Variants in EPB41L4A observed in about 807,000 individuals in gnomAD.
EPB41L4A encodes erythrocyte membrane protein band 4.1 like 4A.
In EPB41L4A, 100 loss-of-function variants were observed where a neutral mutation model predicts 108.6. That is an observed-to-expected ratio of 0.92 (90% confidence interval 0.78 to 1.09). EPB41L4A has a LOEUF of 1.09. Ranked by LOEUF, EPB41L4A falls within the 50% of genes least tolerant of loss-of-function variation. The pLI is 0.00. For missense variants in EPB41L4A, 1,030 were observed against 842.7 expected, an observed-to-expected ratio of 1.22 and a Z score of -2.75; for synonymous variants, 319 against 289.0, an observed-to-expected ratio of 1.10 and a Z score of -1.05.
At chr5:112,280,074 C>G (rs2150505508) in intron 3 of EPB41L4A, among the ~76,000 whole-genome samples, 198 bp downstream of exon 3, 1 of 152,312 alleles carries the variant, frequency 6.6e-6, no homozygotes, top group South Asian at 2.1e-4. Flanking sequence ...AAGATCCACT[C>G]AGAAACTGAT....
intron 1 of EPB41L4A, among the ~76,000 whole-genome samples, chr5:112,323,715 T>C (rs1755958455): frequency 6.6e-6 from 1 of 152,208 alleles, no homozygotes; most frequent in Admixed American, 6.5e-5. Context: ...AGTGTAACAG[T>C]CTCCCTTACC....
chr5:112,189,035 A>T (rs1241043497), intron 17 of EPB41L4A, among the ~76,000 whole-genome samples: 1 of 152,260 alleles, frequency 6.6e-6, no homozygotes, highest in African/African-American at 2.4e-5. Flanking sequence ...TAAAATATTT[A>T]AATCTGTCTT....
chr5:112,217,048 G>T (rs539965667), intron 12 of EPB41L4A, among the ~76,000 whole-genome samples: 1 of 151,584 alleles, frequency 6.6e-6, no homozygotes, highest in Non-Finnish European at 1.5e-5. Context: ...AGGTTCAAGC[G>T]ATTCTACCAT....
At chr5:112,197,349 T>C (rs1762013581) in intron 15 of EPB41L4A, among the ~76,000 whole-genome samples, 2 of 152,184 alleles carry the variant, frequency 1.3e-5, no homozygotes, top group South Asian at 2.1e-4. Flanking sequence ...CTTTAACGTA[T>C]GGCTTACGTT....
chr5:112,250,546 A>C (rs572432920), intron 9 of EPB41L4A: 1 of 152,212 alleles, frequency 6.6e-6, no homozygotes, highest in African/African-American at 2.4e-5. Flanking sequence ...AAAGTCTAAT[A>C]AACATTATCA....
chr5:112,220,376 A>G (rs948894824), intron 12 of EPB41L4A, among the ~76,000 whole-genome samples: 7 of 152,178 alleles, frequency 4.6e-5, no homozygotes, highest in African/African-American at 1.7e-4. Flanking sequence ...AATTAGAGTC[A>G]TTTACCTTCC....
At chr5:112,171,528 AGGACTATCAGTG>A (rs1760580916) in intron 18 of EPB41L4A, among the ~76,000 whole-genome samples, 1 of 152,252 alleles carries the variant, frequency 6.6e-6, no homozygotes, top group Admixed American at 6.5e-5. Context: ...AGCAAATGCT[AGGACTATCAGTG>A]GCCTTGGCTC....
At chr5:112,368,866 T>C (rs983089578) in intron 1 of EPB41L4A, among the ~76,000 whole-genome samples, 5 of 152,182 alleles carry the variant, frequency 3.3e-5, no homozygotes, top group African/African-American at 1.2e-4. Context: ...TATCTTTTGT[T>C]ACAGTCTTTG....
At chr5:112,333,674 T>A (rs940344604) in intron 1 of EPB41L4A, among the ~76,000 whole-genome samples, 13 of 152,192 alleles carry the variant, frequency 8.5e-5, no homozygotes, top group African/African-American at 2.4e-4. Flanking sequence ...TCTCTCTCTG[T>A]TACATACTGA....
chr5:112,275,719 GA>G (rs893282098), intron 3 of EPB41L4A, among the ~76,000 whole-genome samples: 10 of 147,062 alleles, frequency 6.8e-5, no homozygotes, highest in African/African-American at 1.8e-4. Flanking sequence ...AGTGAAGAAA[GA>G]AAAAAAATAA....
intron 3 of EPB41L4A, among the ~76,000 whole-genome samples, chr5:112,277,818 T>C (rs1212057679): frequency 6.6e-6 from 1 of 152,222 alleles, no homozygotes; most frequent in African/African-American, 2.4e-5. Context: ...CTCCCTATTC[T>C]AAGACTGACT....
chr5:112,348,710 A>G (rs1182648771), intron 1 of EPB41L4A, among the ~76,000 whole-genome samples: 1 of 152,198 alleles, frequency 6.6e-6, no homozygotes, highest in African/African-American at 2.4e-5. Flanking sequence ...GTAAACTCCC[A>G]AATATCTGTT....
At chr5:112,270,045 G>A (rs184445170) in intron 4 of EPB41L4A, among the ~76,000 whole-genome samples, 3 of 152,254 alleles carry the variant, frequency 2.0e-5, no homozygotes, top group Admixed American at 6.5e-5. Context: ...TGACACCAAG[G>A]ATGTACAAGT....
intron 1 of EPB41L4A, among the ~76,000 whole-genome samples, chr5:112,313,625 G>C (rs1463549314): frequency 6.6e-6 from 1 of 152,036 alleles, no homozygotes; most frequent in Non-Finnish European, 1.5e-5. Context: ...CCTTGGACTA[G>C]CAACCAGGCA....
At chr5:112,374,149 C>T (rs1373612401) in intron 1 of EPB41L4A, among the ~76,000 whole-genome samples, 1 of 152,122 alleles carries the variant, frequency 6.6e-6, no homozygotes, top group East Asian at 1.9e-4. Context: ...CAGAGGCATC[C>T]CCATGGAATA....
chr5:112,306,431 A>G (rs527257877), intron 2 of EPB41L4A, among the ~76,000 whole-genome samples: 9 of 152,152 alleles, frequency 5.9e-5, no homozygotes, highest in African/African-American at 7.2e-5. Context: ...GTGAAACAGA[A>G]AAGATTAAGG....
chr5:112,412,510 T>C (rs1437136646), intron 1 of EPB41L4A, among the ~76,000 whole-genome samples: 2 of 152,240 alleles, frequency 1.3e-5, no homozygotes, highest in Admixed American at 6.5e-5. Flanking sequence ...TACAATGGTA[T>C]AGACACTCTA....
At chr5:112,294,954 G>T (rs574591691) in intron 2 of EPB41L4A, among the ~76,000 whole-genome samples, 1 of 152,236 alleles carries the variant, frequency 6.6e-6, no homozygotes, top group Non-Finnish European at 1.5e-5. Context: ...AATTGCAGTG[G>T]GGAAAACACT....
intron 17 of EPB41L4A, among the ~76,000 whole-genome samples, chr5:112,185,297 G>A (rs1166190488): frequency 1.3e-5 from 2 of 152,192 alleles, no homozygotes; most frequent in Admixed American, 1.3e-4. Context: ...GGCAGGCTTG[G>A]AGGCATTTCC....
Sources: gnomAD v4.1 joint callset for allele counts (sites outside exome capture counted in the v4.1 genomes callset) on GRCh38, gnomAD v4.1.1 for gene constraint, MANE v1.5 for transcripts, NCBI Gene and HGNC (gene_info 2026-07-23, HGNC 2026-07-21) for gene names.